MAPK10: variants seen among roughly 807,000 people sequenced by gnomAD.
MAPK10 encodes mitogen-activated protein kinase 10.
MAPK10 carries 25 observed loss-of-function variants against 59.3 expected under a neutral mutation model. The ratio of observed to expected loss-of-function variants is 0.42; its 90% CI spans 0.31 to 0.59. The LOEUF (loss-of-function observed/expected upper bound fraction) is 0.59, where lower values mean the gene tolerates loss of function less well. Ranked by LOEUF, MAPK10 falls within the 20% of genes least tolerant of loss-of-function variation. The probability of loss-of-function intolerance (pLI) is 0.15; values close to 1 mark genes in which losing one functional copy is unlikely to be tolerated. For synonymous variants in MAPK10, 190 were observed against 200.5 expected, an observed-to-expected ratio of 0.95 and a Z score of 0.44; for missense variants, 351 against 568.9, an observed-to-expected ratio of 0.62 and a Z score of 3.90.
At chr4:86,337,115 T>C (rs1290531431) in intron 2 of MAPK10, among the ~76,000 whole-genome samples, 1 of 152,150 alleles carries the variant, frequency 6.6e-6, no homozygotes, top group African/African-American at 2.4e-5. Flanking sequence ...TCATATTCAC[T>C]ACTGTATTCC....
chr4:86,517,526 C>T (rs896522298), intron 1 of MAPK10, among the ~76,000 whole-genome samples: 4 of 152,094 alleles, frequency 2.6e-5, no homozygotes, highest in African/African-American at 9.7e-5. Flanking sequence ...CTGCCCTTCT[C>T]GGCCTCCCAA....
chr4:86,362,304 A>G (rs1737133856), upstream of MAPK10, among the ~76,000 whole-genome samples: 1 of 152,088 alleles, frequency 6.6e-6, no homozygotes, highest in South Asian at 2.1e-4. Flanking sequence ...ACACCTCAAC[A>G]TAAAAGCTAA....
intron 2 of MAPK10, among the ~76,000 whole-genome samples, chr4:86,243,681 T>G (rs1168126801): frequency 6.6e-6 from 1 of 152,122 alleles, no homozygotes; most frequent in Non-Finnish European, 1.5e-5. Flanking sequence ...CTTAATCATA[T>G]TTTCAGTGGT....
intron 13 of MAPK10, chr4:86,023,834 TATATATATATATATATAA>T (rs1026767628): frequency 1.4e-5 from 2 of 141,470 alleles, no homozygotes; most frequent in African/African-American, 5.3e-5. Context: ...TATATATATA[TATATATATATATATATAA>T]AATGAATGTT....
chr4:86,538,196 G>C (rs900065006), intron 1 of MAPK10, among the ~76,000 whole-genome samples: 1 of 151,804 alleles, frequency 6.6e-6, no homozygotes, highest in African/African-American at 2.4e-5. Context: ...GCCCAGGCTG[G>C]AGTGCATTGT....
chr4:86,301,466 A>G (rs1468127592), intron 2 of MAPK10, among the ~76,000 whole-genome samples: 1 of 152,084 alleles, frequency 6.6e-6, no homozygotes, highest in Admixed American at 6.5e-5. Context: ...GCTGAAAACA[A>G]AGTCTTGGAG....
chr4:86,560,725 T>G (rs997452161), intron 1 of MAPK10, among the ~76,000 whole-genome samples: 9 of 152,244 alleles, frequency 5.9e-5, no homozygotes, highest in Admixed American at 5.2e-4. Flanking sequence ...AGGCAAAAAC[T>G]GTGCAATAAT....
At chr4:86,314,075 G>A (rs1244262195) in intron 2 of MAPK10, among the ~76,000 whole-genome samples, 1 of 152,078 alleles carries the variant, frequency 6.6e-6, no homozygotes, top group Non-Finnish European at 1.5e-5. Flanking sequence ...GTGAAAAGAA[G>A]AAACAAAAAC....
intron 2 of MAPK10, among the ~76,000 whole-genome samples, chr4:86,272,014 A>G (rs1298776605): frequency 6.6e-6 from 1 of 151,852 alleles, no homozygotes; most frequent in African/African-American, 2.4e-5. Flanking sequence ...AGTAGTGTCC[A>G]GTGTCTATTG....
At chr4:86,296,646 CATG>C (rs745785713) in intron 2 of MAPK10, among the ~76,000 whole-genome samples, 2 of 152,226 alleles carry the variant, frequency 1.3e-5, no homozygotes, top group East Asian at 3.9e-4. Flanking sequence ...ATTTAAGTGG[CATG>C]ATAAAACTCA....
chr4:86,051,207 G>C (rs1047089460), intron 11 of MAPK10, among the ~76,000 whole-genome samples: 8 of 152,110 alleles, frequency 5.3e-5, no homozygotes, highest in African/African-American at 1.7e-4. Flanking sequence ...CCTACCATTA[G>C]AAAGGGACAT....
intron 1 of MAPK10, among the ~76,000 whole-genome samples, chr4:86,494,706 G>A (rs1269311566): frequency 6.6e-6 from 1 of 151,652 alleles, no homozygotes; most frequent in African/African-American, 2.4e-5. Context: ...AGCTGGCCGT[G>A]GTGGCGGGTG....
intron 1 of MAPK10, among the ~76,000 whole-genome samples, chr4:86,471,630 T>C (rs184658657): frequency 6.6e-6 from 1 of 152,350 alleles, no homozygotes; most frequent in East Asian, 1.9e-4. Flanking sequence ...TTGTTATGTA[T>C]ACCATACTTC....
At chr4:86,295,898 G>C (rs528593763) in intron 2 of MAPK10, among the ~76,000 whole-genome samples, 3 of 151,126 alleles carry the variant, frequency 2.0e-5, no homozygotes, top group Non-Finnish European at 2.9e-5. Context: ...AGCAGAGGCC[G>C]GGCACAGTGG....
intron 9 of MAPK10, among the ~76,000 whole-genome samples, chr4:86,086,003 C>A (rs1035897114): frequency 6.6e-6 from 1 of 152,028 alleles, no homozygotes; most frequent in Non-Finnish European, 1.5e-5. Context: ...ATAATACACA[C>A]TGGGGCCTGT....
chr4:86,478,958 C>G (rs1015731458), intron 1 of MAPK10, among the ~76,000 whole-genome samples: 1 of 152,142 alleles, frequency 6.6e-6, no homozygotes, highest in Non-Finnish European at 1.5e-5. Context: ...ATTATTCAGG[C>G]CCCCTCCCTT....
chr4:86,167,656 A>G (rs540421837), intron 3 of MAPK10, among the ~76,000 whole-genome samples: 32 of 152,356 alleles, frequency 2.1e-4, no homozygotes, highest in African/African-American at 7.2e-4. Flanking sequence ...GGCCTTTGAT[A>G]AAATTCAACA....
intron 2 of MAPK10, among the ~76,000 whole-genome samples, chr4:86,314,789 C>T (rs2095744511): frequency 6.6e-6 from 1 of 151,972 alleles, no homozygotes; most frequent in Non-Finnish European, 1.5e-5. Context: ...ACCATAATAC[C>T]ATCTAGAGTG....
chr4:86,121,188 G>T (rs557734210), intron 4 of MAPK10, among the ~76,000 whole-genome samples: 1 of 152,158 alleles, frequency 6.6e-6, no homozygotes, highest in East Asian at 1.9e-4. Context: ...TCTGAGAATG[G>T]GCAGCTTATA....
Sources: allele counts gnomAD v4.1 joint callset (sites outside exome capture counted in the v4.1 genomes callset), GRCh38; gene constraint gnomAD v4.1.1; transcripts MANE v1.5; gene names NCBI Gene and HGNC (gene_info 2026-07-23, HGNC 2026-07-21).